The following PITPNM2 variants were observed in gnomAD, a reference collection of about 807,000 sequenced individuals.
The protein encoded by PITPNM2 is membrane-associated phosphatidylinositol transfer protein 2.
PITPNM2 carries 35 observed loss-of-function variants against 132.2 expected under a neutral mutation model. The ratio of observed to expected loss-of-function variants is 0.26; its 90% CI spans 0.20 to 0.35. The LOEUF (loss-of-function observed/expected upper bound fraction) is 0.35. Among genes scored for constraint, PITPNM2 ranks in the 10% least tolerant of loss-of-function variants. The pLI is 1.00. For missense variants in PITPNM2, 1,332 were observed against 1,912.0 expected, an observed-to-expected ratio of 0.70 and a Z score of 5.66; for synonymous variants, 738 against 799.2, an observed-to-expected ratio of 0.92 and a Z score of 1.29.
At chr12:123,033,137 G>A (rs887297447) in intron 3 of PITPNM2, among the ~76,000 whole-genome samples, 2 of 152,226 alleles carry the variant, frequency 1.3e-5, no homozygotes, top group African/African-American at 4.8e-5. Flanking sequence ...GTAATTAAGG[G>A]GTTGTACAGC....
intron 2 of PITPNM2, among the ~76,000 whole-genome samples, chr12:123,105,814 A>G (rs1428564591): frequency 6.6e-6 from 1 of 152,122 alleles, no homozygotes; most frequent in Non-Finnish European, 1.5e-5. Context: ...GAAGGCAGAA[A>G]CGAGAGGAAG....
At chr12:123,134,097 G>A (rs905335802) in intron 1 of PITPNM2, among the ~76,000 whole-genome samples, 1 of 151,882 alleles carries the variant, frequency 6.6e-6, no homozygotes, top group Non-Finnish European at 1.5e-5. Context: ...ATCGAGTCTC[G>A]CTCTGTTGCC....
At chr12:123,132,434 G>A (rs1470110437) in intron 1 of PITPNM2, among the ~76,000 whole-genome samples, 3 of 152,138 alleles carry the variant, frequency 2.0e-5, no homozygotes, top group African/African-American at 7.2e-5. Context: ...AGCCCCGAGA[G>A]CCACTGGAGG....
At position 123,008,539 on chromosome 12, in the gene PITPNM2, G is replaced by C. The variant is rs931365822; in HGVS notation, c.643+1311C>G. Among the ~76,000 whole-genome samples the C allele has an allele frequency of 1.3e-5, 2 of 152,186 alleles. No homozygotes were observed. The highest frequency in any genetic ancestry group is 4.8e-5 in the African/African-American group (2 of 41,448). ...TTCCCATTTTGAGGCTTCAGCACTG[G>C]GGTTGCAGGTCCCAGTCTGTGAGCC... On this transcript the variant is annotated intron_variant, in intron 6 of 25. Coordinates refer to ENST00000320201, the MANE Select transcript of PITPNM2 (RefSeq NM_020845.3). This position sits in a 1 kb window ranked among gnomAD's most constrained non-coding sequence, Gnocchi z 4.1.
chr12:123,074,562 C>T (rs1234792839), intron 2 of PITPNM2, among the ~76,000 whole-genome samples: 1 of 151,938 alleles, frequency 6.6e-6, no homozygotes, highest in Non-Finnish European at 1.5e-5. Flanking sequence ...GAGCACACCA[C>T]ACACGCATAT....
At chr12:123,057,948 G>C (rs1324970402) in intron 2 of PITPNM2, among the ~76,000 whole-genome samples, 1 of 152,184 alleles carries the variant, frequency 6.6e-6, no homozygotes, top group Non-Finnish European at 1.5e-5. Context: ...CCAGAGGTTG[G>C]AATGTGACCC....
intron 1 of PITPNM2, among the ~76,000 whole-genome samples, chr12:123,147,444 A>G (rs1303630087): frequency 6.6e-6 from 1 of 152,160 alleles, no homozygotes; most frequent in Non-Finnish European, 1.5e-5. Context: ...CTACAGGCGC[A>G]CACCACCACG....
intron 3 of PITPNM2, among the ~76,000 whole-genome samples, chr12:123,021,299 T>G (rs973391633): frequency 6.6e-6 from 1 of 152,200 alleles, no homozygotes; most frequent in Non-Finnish European, 1.5e-5. Context: ...GCCCCAGCCC[T>G]GTTTACTGAG....
At chr12:123,013,671 G>A (rs146820027) in intron 4 of PITPNM2, among the ~76,000 whole-genome samples, 157 bp downstream of exon 4, 10 of 152,314 alleles carry the variant, frequency 6.6e-5, no homozygotes, top group South Asian at 4.1e-4. Flanking sequence ...GGTGACCTTC[G>A]GGGCACCTGT....
At chr12:122,990,078 C>T (rs2136068895) in intron 17 of PITPNM2, 130 bp from the exon 18 acceptor site, 1 of 760,414 alleles carries the variant, frequency 1.3e-6, no homozygotes, top group Non-Finnish European at 1.9e-6. Context: ...ATTGGCCCTC[C>T]TCACGGATGA....
At chr12:123,124,678 G>A (rs925134740) in intron 1 of PITPNM2, among the ~76,000 whole-genome samples, 39 of 151,996 alleles carry the variant, frequency 2.6e-4, no homozygotes, top group Admixed American at 5.9e-4. Context: ...CCATTAACTC[G>A]TCATTTACAT....
chr12:123,147,443 C>T lies in PITPNM2; in HGVS notation c.-200+3310G>A, dbSNP rs1034782365. Among the ~76,000 whole-genome samples, 6 of 152,210 alleles carry T rather than the reference C, an allele frequency of 3.9e-5. No homozygotes were observed. The South Asian group carries it at 1.2e-3, about 32-fold the overall frequency. On this transcript the variant is annotated intron_variant, in intron 1 of 25. Transcript: ENST00000320201. The stretch of plus-strand genomic sequence containing the variant: ...GATCCTCCCATCTCAGCTACAGGCG[C>T]ACACCACCACGCCCAGCTAGCAATG...
intron 5 of PITPNM2, 147 bp from the exon 6 acceptor site, chr12:123,010,224 C>T: frequency 3.1e-6 from 2 of 646,266 alleles, no homozygotes; most frequent in East Asian, 5.5e-5. Flanking sequence ...ATGTTCTGGG[C>T]AGCTCTGACC....
intron 1 of PITPNM2, among the ~76,000 whole-genome samples, chr12:123,123,991 C>T (rs566153648): frequency 6.6e-6 from 1 of 151,778 alleles, no homozygotes; most frequent in African/African-American, 2.4e-5. Flanking sequence ...CACAGTGGCT[C>T]ACACCTGTAA....
chr12:123,116,647 C>T (rs1404372399), intron 1 of PITPNM2, among the ~76,000 whole-genome samples: 3 of 107,862 alleles, frequency 2.8e-5, no homozygotes, highest in Admixed American at 9.7e-5. Flanking sequence ...GACCTTGTTT[C>T]AAAAAAAAAA....
chr12:123,086,243 T>A (rs1162777193), intron 2 of PITPNM2, among the ~76,000 whole-genome samples: 1 of 152,190 alleles, frequency 6.6e-6, no homozygotes, highest in Non-Finnish European at 1.5e-5. Flanking sequence ...GAAAAGCAGC[T>A]TGCAGGGGGC....
At chr12:123,103,873 C>A (rs1396421793) in intron 2 of PITPNM2, among the ~76,000 whole-genome samples, 2 of 151,700 alleles carry the variant, frequency 1.3e-5, no homozygotes, top group South Asian at 2.1e-4. Context: ...TTCCTCTAGG[C>A]TCTACCTTTA....
In PITPNM2 at chr12:123,078,375, C is replaced by CA. The variant is rs1164039552; in HGVS notation, c.-96+32009dup. On this transcript the variant is annotated intron_variant, in intron 2 of 25. Transcript: ENST00000320201. This position sits in a 1 kb window ranked among gnomAD's most constrained non-coding sequence, Gnocchi z 7.3. ...CAGCAGCTGGTGGCCACCACCATGC[C>CA]AAGGAAAAGGGAGGAGATGGGGGCT... is the stretch of plus-strand genomic sequence containing the variant. 5.3e-5 allele frequency among the ~76,000 whole-genome samples: 8 copies of CA among 152,270 alleles called. No homozygotes were observed. The East Asian group carries it at 1.5e-3, about 29-fold the overall frequency.
At chr12:123,010,116 C>A in intron 5 of PITPNM2, 39 bp from the exon 6 acceptor site, 1 of 1,505,814 alleles carries the variant, frequency 6.6e-7, no homozygotes, top group Non-Finnish European at 9.2e-7. Flanking sequence ...TCTGCCCTGA[C>A]CTCAACCCCC....
Sources: allele counts gnomAD v4.1 joint callset (sites outside exome capture counted in the v4.1 genomes callset), GRCh38; gene constraint gnomAD v4.1.1; non-coding constraint Gnocchi (gnomAD v3.1); transcripts MANE v1.5; gene names NCBI Gene and HGNC (gene_info 2026-07-23, HGNC 2026-07-21).